The following CREB5 variants were observed in gnomAD, a reference collection of about 807,000 sequenced individuals.
The protein encoded by CREB5 is cyclic AMP-responsive element-binding protein 5.
In CREB5, 19 loss-of-function variants were observed where a neutral mutation model predicts 57.1. That is an observed-to-expected ratio of 0.33 (90% CI 0.23 to 0.49). The LOEUF is 0.49. CREB5 is among the 20% of genes least tolerant of loss of function. The probability of loss-of-function intolerance (pLI) is 0.99; values close to 1 mark genes in which losing one functional copy is unlikely to be tolerated. For missense variants in CREB5, 579 were observed against 671.6 expected, an observed-to-expected ratio of 0.86 and a Z score of 1.52; for synonymous variants, 238 against 238.3, an observed-to-expected ratio of 1.00 and a Z score of 0.01.
chr7:28,722,329 A>G (rs758339258), intron 6 of CREB5, among the ~76,000 whole-genome samples: 1 of 152,150 alleles, frequency 6.6e-6, no homozygotes, highest in Non-Finnish European at 1.5e-5. Flanking sequence ...CCTGGAAGCA[A>G]AAGTTATTTT....
chr7:28,424,795 ACTAAG>A (rs1394495999), intron 1 of CREB5, among the ~76,000 whole-genome samples: 1 of 152,210 alleles, frequency 6.6e-6, no homozygotes, highest in Non-Finnish European at 1.5e-5. Flanking sequence ...ACACACACAC[ACTAAG>A]CTAAGTATAA....
At chr7:28,452,336 A>G (rs1253162285) in intron 1 of CREB5, among the ~76,000 whole-genome samples, 1 of 152,202 alleles carries the variant, frequency 6.6e-6, no homozygotes, top group Admixed American at 6.5e-5. Context: ...AATATTTTAT[A>G]GTAAATCATT....
At chr7:28,429,952 A>G (rs1169891692) in intron 1 of CREB5, among the ~76,000 whole-genome samples, 1 of 152,214 alleles carries the variant, frequency 6.6e-6, no homozygotes, top group Non-Finnish European at 1.5e-5. Flanking sequence ...ATAATGAAAG[A>G]AAGAGATCTG....
chr7:28,536,702 T>A (rs1793979111), intron 4 of CREB5, among the ~76,000 whole-genome samples: 1 of 152,214 alleles, frequency 6.6e-6, no homozygotes, highest in African/African-American at 2.4e-5. Context: ...TGAACATGGG[T>A]GTGGAACATA....
At chr7:28,595,143 G>T (rs961850561) in intron 5 of CREB5, among the ~76,000 whole-genome samples, 3 of 152,026 alleles carry the variant, frequency 2.0e-5, no homozygotes, top group African/African-American at 7.3e-5. Context: ...GCTTAATGTG[G>T]TATGGTGATT....
At chr7:28,358,184 C>A (rs76189512) in intron 1 of CREB5, among the ~76,000 whole-genome samples, 1 of 152,124 alleles carries the variant, frequency 6.6e-6, no homozygotes, top group Admixed American at 6.5e-5. Flanking sequence ...ACAATCAGAA[C>A]GGGGGCTTAA....
At chr7:28,413,238 G>A (rs1175447485) in intron 1 of CREB5, among the ~76,000 whole-genome samples, 3 of 151,554 alleles carry the variant, frequency 2.0e-5, no homozygotes, top group African/African-American at 7.3e-5. Context: ...CTTTCTGTGA[G>A]GTTTCATGAA....
intron 1 of CREB5, among the ~76,000 whole-genome samples, chr7:28,331,867 A>T (rs1348685384): frequency 2.0e-5 from 3 of 148,970 alleles, no homozygotes; most frequent in Non-Finnish European, 4.5e-5. Flanking sequence ...AAAAAAAAAA[A>T]GCTTCTTTCA....
chr7:28,662,175 C>T (rs1799635519), intron 5 of CREB5, among the ~76,000 whole-genome samples: 2 of 152,188 alleles, frequency 1.3e-5, no homozygotes, highest in African/African-American at 4.8e-5. Context: ...AAAGCCAGGT[C>T]ATTCCTTTGA....
At chr7:28,586,354 A>C (rs2128660709) in intron 5 of CREB5, among the ~76,000 whole-genome samples, 1 of 152,328 alleles carries the variant, frequency 6.6e-6, no homozygotes, top group Middle Eastern at 3.4e-3. Flanking sequence ...GGAGGGGCCC[A>C]GGGTGTTCTT....
intron 5 of CREB5, among the ~76,000 whole-genome samples, chr7:28,673,705 C>T (rs940599867): frequency 4.2e-5 from 5 of 118,956 alleles, no homozygotes; most frequent in African/African-American, 1.6e-4. Flanking sequence ...TCGAGTCTCG[C>T]TCTGCCACCC....
At chr7:28,332,608 C>G (rs1289549075) in intron 1 of CREB5, among the ~76,000 whole-genome samples, 1 of 152,192 alleles carries the variant, frequency 6.6e-6, no homozygotes, top group Non-Finnish European at 1.5e-5. Flanking sequence ...CAACCTTCTC[C>G]TGGGCCAGTG....
At chr7:28,600,780 T>A (rs183750900) in intron 5 of CREB5, among the ~76,000 whole-genome samples, 1 of 152,304 alleles carries the variant, frequency 6.6e-6, no homozygotes, top group East Asian at 1.9e-4. Flanking sequence ...AAAAAGTAAG[T>A]TTAACATTTA....
intron 7 of CREB5, among the ~76,000 whole-genome samples, chr7:28,757,820 G>A (rs751165141): frequency 1.8e-4 from 27 of 151,994 alleles, no homozygotes; most frequent in African/African-American, 2.9e-4. Context: ...ACATTACACC[G>A]GTTGAGCATC....
chr7:28,699,876 A>G (rs1298833652), intron 5 of CREB5, among the ~76,000 whole-genome samples: 1 of 152,148 alleles, frequency 6.6e-6, no homozygotes, highest in Admixed American at 6.5e-5. Context: ...GTCTCTCTCT[A>G]ATGCAAAAAC....
At chr7:28,730,680 A>T (rs898831830) in intron 7 of CREB5, among the ~76,000 whole-genome samples, 2 of 152,138 alleles carry the variant, frequency 1.3e-5, no homozygotes, top group East Asian at 3.8e-4. Flanking sequence ...GCACTTTACA[A>T]ATTGCAAACT....
chr7:28,343,045 A>G (rs1354384427), intron 1 of CREB5, among the ~76,000 whole-genome samples: 1 of 151,808 alleles, frequency 6.6e-6, no homozygotes, highest in Non-Finnish European at 1.5e-5. Flanking sequence ...GGTTCACACC[A>G]TTCTCCTGCC....
intron 5 of CREB5, among the ~76,000 whole-genome samples, chr7:28,633,730 G>A (rs544691825): frequency 1.1e-4 from 16 of 152,246 alleles, no homozygotes; most frequent in African/African-American, 3.4e-4. Context: ...TGAGAAGGAG[G>A]ATTATAAATG....
At chr7:28,649,538 A>G (rs7812202) in intron 5 of CREB5, among the ~76,000 whole-genome samples, 48,931 of 152,032 alleles carry the variant, frequency 0.32, 9,320 homozygotes, top group African/African-American at 0.53. Context: ...CCAACCTCTG[A>G]CCTTGCAGAT....
Sources: allele counts gnomAD v4.1 joint callset (sites outside exome capture counted in the v4.1 genomes callset), GRCh38; gene constraint gnomAD v4.1.1; transcripts MANE v1.5; gene names NCBI Gene and HGNC (gene_info 2026-07-23, HGNC 2026-07-21).